METTL9: variants seen among roughly 807,000 people sequenced by gnomAD.
METTL9 encodes methyltransferase 9, His-X-His N1(pi)-histidine.
A neutral mutation model predicts 36.0 loss-of-function variants in METTL9; 10 were observed. The observed-to-expected ratio is 0.28, with a 90% CI of 0.17 to 0.47. The LOEUF is 0.47. Ranked by LOEUF, METTL9 falls within the 20% of genes least tolerant of loss-of-function variation. The probability of loss-of-function intolerance (pLI) is 0.99; values close to 1 mark genes in which losing one functional copy is unlikely to be tolerated. For missense variants in METTL9, 246 were observed against 383.5 expected, an observed-to-expected ratio of 0.64 and a Z score of 3.00; for synonymous variants, 175 against 149.7, an observed-to-expected ratio of 1.17 and a Z score of -1.23.
chr16:21,638,928 C>T (rs1966177207), intron 4 of METTL9, among the ~76,000 whole-genome samples: 1 of 152,170 alleles, frequency 6.6e-6, no homozygotes, highest in Non-Finnish European at 1.5e-5. Context: ...AATGACTGTA[C>T]ATCCCAAACT....
At chr16:21,643,555 G>A in intron 4 of METTL9, 1 of 1,601,642 alleles carries the variant, frequency 6.2e-7, no homozygotes, top group Non-Finnish European at 8.5e-7. Context: ...TACCTTTTGT[G>A]AGTCTTCTTT....
intron 4 of METTL9, chr16:21,644,538 CA>C (rs1205249037): frequency 1.8e-5 from 11 of 602,734 alleles, no homozygotes; most frequent in East Asian, 5.7e-5. Context: ...AACTAGACCT[CA>C]AAAGGTACTC....
chr16:21,655,759 C>T lies in METTL9; in HGVS notation c.*327C>T, dbSNP rs748533406. 2.7e-5 allele frequency: 6 copies of T among 223,890 alleles called. No individual in the cohort carries two copies. The highest frequency in any genetic ancestry group is 5.1e-5 in the Admixed American group (1 of 19,568). 13.9% of individuals were successfully genotyped at this position (223,890 alleles called of 1,614,324 possible). On this transcript the variant is annotated 3_prime_UTR_variant, in exon 5 of 5. Coordinates refer to ENST00000358154, the MANE Select transcript of METTL9 (RefSeq NM_016025.5). ...TCATTCCCAGACAAAGCAATAGTCA[C>T]GACTTCATGGAACCAATCAATGGAT... is the stretch of plus-strand genomic sequence containing the variant.
intron 4 of METTL9, chr16:21,644,468 C>A: frequency 1.9e-6 from 2 of 1,057,112 alleles, no homozygotes; most frequent in Non-Finnish European, 2.9e-6. Flanking sequence ...TGTAAAGTAT[C>A]CTTCACACTG....
intron 4 of METTL9, chr16:21,647,410 C>CT: frequency 1.2e-6 from 2 of 1,614,090 alleles, no homozygotes; most frequent in Non-Finnish European, 1.7e-6. Context: ...AGAAGGTACA[C>CT]TTTATGGTGA....
At chr16:21,611,303 G>A (rs1965418600) in intron 1 of METTL9, among the ~76,000 whole-genome samples, 1 of 152,134 alleles carries the variant, frequency 6.6e-6, no homozygotes. Context: ...TTTAACGTTA[G>A]CATCAGGAAT....
At chr16:21,637,905 G>A (rs955033455) in intron 4 of METTL9, among the ~76,000 whole-genome samples, 3 of 152,256 alleles carry the variant, frequency 2.0e-5, no homozygotes, top group Admixed American at 6.5e-5. Flanking sequence ...CTAGCACATT[G>A]TCACCTCTCA....
chr16:21,623,832 G>A (rs1293430740), intron 3 of METTL9, among the ~76,000 whole-genome samples: 1 of 152,122 alleles, frequency 6.6e-6, no homozygotes, highest in African/African-American at 2.4e-5. Flanking sequence ...GTGCAGTGAT[G>A]TGATCTCGGC....
intron 4 of METTL9, chr16:21,653,745 C>G (rs914542485): frequency 3.3e-5 from 5 of 152,488 alleles, no homozygotes; most frequent in African/African-American, 1.2e-4. Context: ...GAAGGAGAAG[C>G]TCACATCCCC....
chr16:21,638,951 A>G (rs1408572804), intron 4 of METTL9, among the ~76,000 whole-genome samples: 1 of 152,090 alleles, frequency 6.6e-6, no homozygotes, highest in Admixed American at 6.6e-5. Flanking sequence ...TCTCAAAGCT[A>G]TTTCCTTTTG....
At chr16:21,616,304 G>T (rs2152894359) in intron 2 of METTL9, among the ~76,000 whole-genome samples, 1 of 152,282 alleles carries the variant, frequency 6.6e-6, no homozygotes. Context: ...CTAGAAGTGG[G>T]CTGGCCACAG....
intron 4 of METTL9, chr16:21,653,727 C>CT: frequency 6.6e-6 from 1 of 152,626 alleles, no homozygotes; most frequent in South Asian, 2.1e-4. Flanking sequence ...CATTGCTCCA[C>CT]CCCCAGAGAA....
At chr16:21,624,209 G>A (rs971259383) in intron 3 of METTL9, among the ~76,000 whole-genome samples, 1 of 152,132 alleles carries the variant, frequency 6.6e-6, no homozygotes, top group Admixed American at 6.5e-5. Flanking sequence ...GAATAGAAGG[G>A]ATCCTAGGAA....
At chr16:21,635,825 C>T (rs1432074894) in intron 4 of METTL9, among the ~76,000 whole-genome samples, 1 of 152,036 alleles carries the variant, frequency 6.6e-6, no homozygotes, top group Non-Finnish European at 1.5e-5. Flanking sequence ...TGCAGCAGTC[C>T]CCGGACCCTG....
intron 4 of METTL9, 80 bp downstream of exon 4, chr16:21,625,195 A>T: frequency 2.0e-6 from 3 of 1,466,898 alleles, no homozygotes; most frequent in Non-Finnish European, 1.9e-6. Flanking sequence ...TGTACAATTA[A>T]ATATTGTCTA....
At chr16:21,625,136 T>C (rs544070247) in intron 4 of METTL9, 21 bp downstream of exon 4, 3 of 1,611,412 alleles carry the variant, frequency 1.9e-6, no homozygotes, top group Middle Eastern at 1.7e-4. Flanking sequence ...TCAGTCAGGC[T>C]AGCTCTTACT....
chr16:21,653,920 C>T (rs1196677090), intron 4 of METTL9: 1 of 152,092 alleles, frequency 6.6e-6, no homozygotes, highest in Non-Finnish European at 1.5e-5. Context: ...GGAAGAGCGT[C>T]ATCTGCACCA....
intron 3 of METTL9, among the ~76,000 whole-genome samples, chr16:21,624,705 C>T (rs1278886611): frequency 2.0e-5 from 3 of 147,238 alleles, no homozygotes; most frequent in Admixed American, 6.8e-5. Context: ...CCAGCCTGGG[C>T]AACAGAGTGA....
rs778238771 is a variant in METTL9, at chr16:21,612,666, A to G, written c.187A>G (p.Lys63Glu). The G allele has an allele frequency of 3.9e-6, 6 of 1,557,988 alleles. No individual in the cohort carries two copies. The highest frequency in any genetic ancestry group is 1.7e-4 in the Middle Eastern group (1 of 5,880). Residue 63 changes from lysine (K) to glutamate (E), a missense_variant, in exon 2 of 5, where the codon AAA (lysine) becomes GAA (glutamate). Around this residue, in one of 2 missense-constraint regions of METTL9, gnomAD observed 146 missense variants for 302.1 expected, o/e 0.48. Coordinates refer to ENST00000358154, the MANE Select transcript of METTL9 (RefSeq NM_016025.5). ...NHQWYVCNRE[K>E]LCESLQAVFV... ...TTAGTGGTATGTGTGCAACAGAGAG[A>G]AATTATGCGAATCACTCCAGGCTGT...
Sources: gnomAD v4.1 joint callset for allele counts (sites outside exome capture counted in the v4.1 genomes callset) on GRCh38, gnomAD v4.1.1 for gene constraint, gnomAD v4.1.1 regional missense constraint, MANE v1.5 for transcripts, NCBI Gene and HGNC (gene_info 2026-07-23, HGNC 2026-07-21) for gene names.